The following LRRC8D variants were observed in gnomAD, a reference collection of about 807,000 sequenced individuals.
LRRC8D encodes the protein leucine rich repeat containing 8 VRAC subunit D, also known as volume-regulated anion channel subunit LRRC8D.
LRRC8D carries 20 observed loss-of-function variants against 55.8 expected under a neutral mutation model. The ratio of observed to expected loss-of-function variants is 0.36; its 90% CI spans 0.25 to 0.52. The LOEUF (loss-of-function observed/expected upper bound fraction) is 0.52. LRRC8D is among the 20% of genes least tolerant of loss of function. The pLI is 0.93. For synonymous variants in LRRC8D, 352 were observed against 377.0 expected (o/e 0.93, Z 0.77); for missense variants, 651 against 1,030.8 (o/e 0.63, Z 5.05).
At chr1:89,914,371 G>T (rs966770937) in intron 2 of LRRC8D, among the ~76,000 whole-genome samples, 3 of 152,184 alleles carry the variant, frequency 2.0e-5, no homozygotes, top group African/African-American at 7.2e-5. Context: ...CTGAGGGAGT[G>T]GGCTCCAGCC....
At chr1:89,860,754 C>G (rs1661683262) in intron 2 of LRRC8D, among the ~76,000 whole-genome samples, 1 of 16,808 alleles carries the variant, frequency 5.9e-5, no homozygotes, top group Non-Finnish European at 9.3e-5. Context: ...AAGACTCTAT[C>G]TCAAAAAAAA....
At chr1:89,931,225 T>C (rs1381661954) in intron 2 of LRRC8D, among the ~76,000 whole-genome samples, 1 of 145,432 alleles carries the variant, frequency 6.9e-6, no homozygotes, top group East Asian at 2.0e-4. Flanking sequence ...ATGAACCTAC[T>C]CTGTGCAGTA....
intron 2 of LRRC8D, among the ~76,000 whole-genome samples, chr1:89,870,473 A>G (rs897861314): frequency 1.3e-5 from 2 of 152,010 alleles, no homozygotes; most frequent in African/African-American, 2.4e-5. Flanking sequence ...GAGACCCTGT[A>G]TCAAAAAAAA....
intron 2 of LRRC8D, among the ~76,000 whole-genome samples, chr1:89,879,154 GC>G (rs1162345565): frequency 6.6e-6 from 1 of 152,130 alleles, no homozygotes; most frequent in African/African-American, 2.4e-5. Context: ...CTTATCTACA[GC>G]CGTTGACACC....
At chr1:89,907,932 G>A (rs1207659321) in intron 2 of LRRC8D, among the ~76,000 whole-genome samples, 1 of 152,208 alleles carries the variant, frequency 6.6e-6, no homozygotes, top group Non-Finnish European at 1.5e-5. Context: ...GATTTGCCTA[G>A]AGTAGCAGCC....
intron 2 of LRRC8D, among the ~76,000 whole-genome samples, chr1:89,918,666 C>A (rs1260372710): frequency 1.3e-5 from 2 of 152,230 alleles, no homozygotes; most frequent in Non-Finnish European, 2.9e-5. Flanking sequence ...TATGCCCAAG[C>A]TTACCTTTGT....
At chr1:89,927,202 C>T (rs896878938) in intron 2 of LRRC8D, among the ~76,000 whole-genome samples, 10 of 152,264 alleles carry the variant, frequency 6.6e-5, no homozygotes, top group African/African-American at 1.9e-4. Context: ...CCCAGCCAGC[C>T]GGGATGTGCC....
intron 2 of LRRC8D, among the ~76,000 whole-genome samples, chr1:89,902,266 A>G (rs1474734601): frequency 2.0e-5 from 3 of 152,268 alleles, no homozygotes; most frequent in Non-Finnish European, 4.4e-5. Flanking sequence ...TAACCGTATT[A>G]ACAAAGTGTG....
chr1:89,867,097 C>G (rs772420196), intron 2 of LRRC8D, among the ~76,000 whole-genome samples: 89 of 152,030 alleles, frequency 5.9e-4, no homozygotes, highest in Non-Finnish European at 1.8e-4. Flanking sequence ...AATCATGTGA[C>G]CATTACCACA....
chr1:89,934,553 A>G lies in LRRC8D; in HGVS notation c.1485A>G (p.Leu495=). Residue 495 remains leucine, a synonymous_variant, in exon 3 of 3, where the codon CTA becomes CTG. Coordinates refer to ENST00000337338, the MANE Select transcript of LRRC8D (RefSeq NM_001134479.2). The surrounding 1 kb of genome is among the most constrained non-coding windows in gnomAD (Gnocchi z 5.9). ...AVFDLTDLDV[L]KLELIPEAKI... Reference sequence around the variant, plus strand: ...TTGACCTCACAGACCTGGATGTGCTAAAGCTTGAACTAATTCCAGAAGCTA... The same window carrying G: ...TTGACCTCACAGACCTGGATGTGCTGAAGCTTGAACTAATTCCAGAAGCTA... 1 of 1,614,206 alleles carries G rather than the reference A, an allele frequency of 6.2e-7. No homozygotes were observed. Among genetic ancestry groups the G allele is most frequent in the Non-Finnish European group, 8.5e-7 (1 of 1,180,030 alleles).
At chr1:89,858,959 AG>A in intron 2 of LRRC8D, among the ~76,000 whole-genome samples, 1 of 152,364 alleles carries the variant, frequency 6.6e-6, no homozygotes, top group East Asian at 1.9e-4. Context: ...AAATGTAAAA[AG>A]AATTCATTCA....
At chr1:89,849,846 A>T (rs969172806) in intron 2 of LRRC8D, among the ~76,000 whole-genome samples, 1 of 152,110 alleles carries the variant, frequency 6.6e-6, no homozygotes, top group Non-Finnish European at 1.5e-5. Flanking sequence ...AACTTTGTCT[A>T]TGGTGCCTTT....
At chr1:89,859,140 TTAAGA>T (rs1477489730) in intron 2 of LRRC8D, among the ~76,000 whole-genome samples, 1 of 152,218 alleles carries the variant, frequency 6.6e-6, no homozygotes, top group African/African-American at 2.4e-5. Flanking sequence ...GGGATGCTTA[TTAAGA>T]TAAGCTTGAA....
At position 89,911,522 on chromosome 1, in the gene LRRC8D, T is replaced by C. The variant is rs1479384830; in HGVS notation, c.-2-21545T>C. ...AGTAGCCGTAAGAAAAACATCTTGG[T>C]ACTCTCTCACCCTGCTACTTCCAAC... On this transcript the variant is annotated intron_variant, in intron 2 of 2. Transcript: ENST00000337338. The surrounding 1 kb of genome is among the most constrained non-coding windows in gnomAD (Gnocchi z 4.0). 6.6e-6 allele frequency among the ~76,000 whole-genome samples: 1 copy of C among 152,160 alleles called. No homozygotes were observed. The highest frequency in any genetic ancestry group is 2.4e-5 in the African/African-American group (1 of 41,422).
At chr1:89,901,089 C>T (rs181783981) in intron 2 of LRRC8D, among the ~76,000 whole-genome samples, 211 of 152,320 alleles carry the variant, frequency 1.4e-3, no homozygotes, top group African/African-American at 4.9e-3. Flanking sequence ...TATCAGAAGA[C>T]CAAATGGCTT....
At chr1:89,845,964 A>T (rs910110865) in intron 2 of LRRC8D, among the ~76,000 whole-genome samples, 1 of 151,930 alleles carries the variant, frequency 6.6e-6, no homozygotes, top group African/African-American at 2.4e-5. Context: ...TATTTTTAGT[A>T]TTGATGGGGT....
At chr1:89,924,147 A>G (rs1413270122) in intron 2 of LRRC8D, among the ~76,000 whole-genome samples, 1 of 152,260 alleles carries the variant, frequency 6.6e-6, no homozygotes, top group Non-Finnish European at 1.5e-5. Flanking sequence ...GACAGCATAC[A>G]GAATGGGAGA....
At chr1:89,932,996 A>G (rs1557490033) in intron 2 of LRRC8D, 71 bp from the exon 3 acceptor site, 7 of 1,378,916 alleles carry the variant, frequency 5.1e-6, no homozygotes, top group Non-Finnish European at 6.0e-6. Flanking sequence ...AGGAGCAGGC[A>G]TAGGGTTTTT....
chr1:89,839,804 A>G (rs948601249), intron 1 of LRRC8D, among the ~76,000 whole-genome samples: 1 of 152,124 alleles, frequency 6.6e-6, no homozygotes, highest in Admixed American at 6.5e-5. Flanking sequence ...ACAGCTTGTC[A>G]TTTTTTATTT....
Sources: gnomAD v4.1 joint callset for allele counts (sites outside exome capture counted in the v4.1 genomes callset) on GRCh38, gnomAD v4.1.1 for gene constraint, Gnocchi (gnomAD v3.1) non-coding constraint, MANE v1.5 for transcripts, NCBI Gene and HGNC (gene_info 2026-07-23, HGNC 2026-07-21) for gene names.